Variants in PRELID2 observed in about 807,000 individuals in gnomAD.
PRELID2 encodes the protein PRELI domain containing 2, also known as PRELI domain-containing protein 2.
Under a neutral mutation model 28.4 loss-of-function variants are expected in PRELID2, and 25 were observed. The ratio of observed to expected loss-of-function variants is 0.88; its 90% CI spans 0.64 to 1.23. The LOEUF (loss-of-function observed/expected upper bound fraction) is 1.23, where lower values mean the gene tolerates loss of function less well. Among genes scored for constraint, PRELID2 ranks in the 50% most tolerant of loss-of-function variants. The probability of loss-of-function intolerance (pLI) is 0.00; values close to 1 mark genes in which losing one functional copy is unlikely to be tolerated. For missense variants in PRELID2, 201 were observed against 214.4 expected (o/e 0.94, Z 0.39); for synonymous variants, 76 against 71.6 (o/e 1.06, Z -0.31).
At chr5:145,396,538 T>C in the PRELID2 span, among the ~76,000 whole-genome samples, 1 of 150,330 alleles carries the variant, frequency 6.7e-6, no homozygotes, top group Non-Finnish European at 1.5e-5. Context: ...ATTTGTCCTA[T>C]AAAGCCTAAA....
chr5:145,375,346 A>C, the PRELID2 span, among the ~76,000 whole-genome samples: 1 of 151,966 alleles, frequency 6.6e-6, no homozygotes, highest in African/African-American at 2.4e-5. Context: ...ATGAGTGCCT[A>C]CTCCTTCTTC....
intron 5 of PRELID2, among the ~76,000 whole-genome samples, chr5:145,782,090 C>T (rs141927877): frequency 6.6e-6 from 1 of 152,126 alleles, no homozygotes; most frequent in East Asian, 1.9e-4. Context: ...TAGAGGAACA[C>T]TAAGAAAGCA....
the PRELID2 span, among the ~76,000 whole-genome samples, chr5:145,248,594 C>A: frequency 6.7e-6 from 1 of 150,088 alleles, no homozygotes; most frequent in Non-Finnish European, 1.5e-5. Flanking sequence ...AGAGATCGAT[C>A]GAGAACATCC....
the PRELID2 span, among the ~76,000 whole-genome samples, chr5:145,420,326 A>T: frequency 6.6e-6 from 1 of 152,060 alleles, no homozygotes; most frequent in African/African-American, 2.4e-5. Flanking sequence ...CTTGGGCAGT[A>T]TGGCCATTTT....
At chr5:145,434,217 T>TA in the PRELID2 span, among the ~76,000 whole-genome samples, 1 of 152,196 alleles carries the variant, frequency 6.6e-6, no homozygotes, top group African/African-American at 2.4e-5. Flanking sequence ...TTAGTTCAGT[T>TA]AAAATTAGTT....
At chr5:145,395,977 C>T in the PRELID2 span, among the ~76,000 whole-genome samples, 1 of 152,184 alleles carries the variant, frequency 6.6e-6, no homozygotes. Flanking sequence ...CAAAGTACTA[C>T]CTCTTCTTCA....
the PRELID2 span, among the ~76,000 whole-genome samples, chr5:145,344,050 G>A: frequency 6.6e-6 from 1 of 151,702 alleles, no homozygotes; most frequent in African/African-American, 2.4e-5. Flanking sequence ...AGGACCGGAG[G>A]GACTCACAGC....
At chr5:145,391,619 T>C in the PRELID2 span, among the ~76,000 whole-genome samples, 2 of 152,180 alleles carry the variant, frequency 1.3e-5, no homozygotes, top group Admixed American at 1.3e-4. Flanking sequence ...GTGATTAACA[T>C]TCAACTCCTC....
chr5:145,576,390 G>T (rs916105143), intron 1 of PRELID2, among the ~76,000 whole-genome samples: 1 of 152,028 alleles, frequency 6.6e-6, no homozygotes, highest in African/African-American at 2.4e-5. Context: ...TTTGTGTCTG[G>T]CTTCCTTTGC....
At chr5:145,292,333 T>C in the PRELID2 span, among the ~76,000 whole-genome samples, 330 of 152,256 alleles carry the variant, frequency 2.2e-3, 2 homozygotes, top group African/African-American at 7.6e-3. Flanking sequence ...TTATGAAATA[T>C]GAGTTTCTGC....
the PRELID2 span, among the ~76,000 whole-genome samples, chr5:145,313,950 C>T: frequency 6.6e-6 from 1 of 152,186 alleles, no homozygotes; most frequent in Non-Finnish European, 1.5e-5. Flanking sequence ...AGTATCTAGA[C>T]TCTTGTTCTG....
intron 1 of PRELID2, among the ~76,000 whole-genome samples, chr5:145,666,233 T>C (rs541793063): frequency 2.0e-5 from 3 of 152,192 alleles, no homozygotes; most frequent in African/African-American, 7.2e-5. Flanking sequence ...ATTGTTTCAA[T>C]AGAAGGTCCA....
At chr5:145,659,803 A>G (rs1298187821) in intron 1 of PRELID2, among the ~76,000 whole-genome samples, 3 of 152,224 alleles carry the variant, frequency 2.0e-5, no homozygotes, top group Admixed American at 1.3e-4. Flanking sequence ...TGTTATGAAT[A>G]GTGTAATACA....
chr5:145,442,432 A>AGGATCTGGCCAGCAG, the PRELID2 span, among the ~76,000 whole-genome samples: 126 of 152,122 alleles, frequency 8.3e-4, no homozygotes, highest in African/African-American at 2.9e-3. Flanking sequence ...TCTCTATTGC[A>AGGATCTGGCCAGCAG]CCCACAATGC....
chr5:145,686,863 T>A (rs1023852091), intron 1 of PRELID2, among the ~76,000 whole-genome samples: 1 of 152,210 alleles, frequency 6.6e-6, no homozygotes, highest in African/African-American at 2.4e-5. Flanking sequence ...TTCTTTAATT[T>A]TAATGCATTT....
the PRELID2 span, among the ~76,000 whole-genome samples, chr5:145,286,599 T>C: frequency 6.6e-6 from 1 of 152,168 alleles, no homozygotes; most frequent in Non-Finnish European, 1.5e-5. Context: ...AGAAGCACTC[T>C]TTTTCATCAG....
the PRELID2 span, among the ~76,000 whole-genome samples, chr5:145,323,083 G>C: frequency 8.5e-5 from 13 of 152,080 alleles, 1 homozygote; most frequent in Admixed American, 7.2e-4. Context: ...CCAATTAAAG[G>C]AGGGCTTCTT....
the PRELID2 span, among the ~76,000 whole-genome samples, chr5:145,397,521 T>C: frequency 6.6e-6 from 1 of 152,206 alleles, no homozygotes; most frequent in Admixed American, 6.5e-5. Context: ...ATCTTGCATC[T>C]TGCAATTTTC....
At chr5:145,614,995 C>T (rs190685552) in intron 1 of PRELID2, among the ~76,000 whole-genome samples, 261 of 152,252 alleles carry the variant, frequency 1.7e-3, no homozygotes, top group African/African-American at 6.2e-3. Flanking sequence ...CTAGTGCTGT[C>T]AGTGGAGTAT....
Sources: gnomAD v4.1 joint callset for allele counts (sites outside exome capture counted in the v4.1 genomes callset) on GRCh38, gnomAD v4.1.1 for gene constraint, MANE v1.5 for transcripts, NCBI Gene and HGNC (gene_info 2026-07-23, HGNC 2026-07-21) for gene names.